ZMYND8: variants seen among roughly 807,000 people sequenced by gnomAD.
ZMYND8 encodes the protein zinc finger MYND-type containing 8.
In ZMYND8, 37 loss-of-function variants were observed where a neutral mutation model predicts 140.8. The observed-to-expected ratio is 0.26, with a 90% confidence interval of 0.20 to 0.35. The LOEUF is 0.35. Among genes scored for constraint, ZMYND8 ranks in the 10% least tolerant of loss-of-function variants. ZMYND8 has a pLI of 1.00. For missense variants in ZMYND8, 1,068 were observed against 1,570.0 expected (o/e 0.68, Z 5.40); for synonymous variants, 592 against 597.1 (o/e 0.99, Z 0.12).
chr20:47,227,178 T>G (rs2037831476), intron 18 of ZMYND8, 25 bp downstream of exon 18: 2 of 1,613,650 alleles, frequency 1.2e-6, no homozygotes, highest in Non-Finnish European at 1.7e-6. Context: ...CCCTCCTCAG[T>G]CCAGACCAGT....
At chr20:47,282,308 TG>T (rs1315256378) in intron 9 of ZMYND8, 91 bp from the exon 10 acceptor site, 1 of 1,083,984 alleles carries the variant, frequency 9.2e-7, no homozygotes, top group Non-Finnish European at 1.4e-6. Context: ...AGCAGGACTG[TG>T]GGACACAGGC....
Position 47,278,555 on chromosome 20 carries a change from A to G in ZMYND8, c.999-1760T>C, listed in dbSNP as rs2076397171. 1.3e-5 allele frequency among the ~76,000 whole-genome samples: 2 copies of G among 152,204 alleles called. 1 individual carries two copies. The highest frequency in any genetic ancestry group is 4.1e-4 in the South Asian group (2 of 4,828). ...GTTGGCATCTAAGAGAAAACAACCC[A>G]GGAGAAATAAAGCACATCCCTGGGA... On this transcript the variant is annotated intron_variant, in intron 10 of 22. Transcript: ENST00000471951.
chr20:47,354,829 T>C (rs1303288926), intron 1 of ZMYND8, among the ~76,000 whole-genome samples: 2 of 152,188 alleles, frequency 1.3e-5, no homozygotes, highest in East Asian at 1.9e-4. Context: ...ACTTAACTTC[T>C]AGCTGCAGCC....
intron 3 of ZMYND8, among the ~76,000 whole-genome samples, chr20:47,305,037 G>A (rs574736605): frequency 1.2e-4 from 18 of 152,076 alleles, no homozygotes; most frequent in African/African-American, 4.3e-4. Flanking sequence ...GAGCCCAGGA[G>A]TCCGCGACCA....
intron 18 of ZMYND8, among the ~76,000 whole-genome samples, chr20:47,225,831 G>A (rs1249054754): frequency 1.3e-5 from 2 of 151,906 alleles, no homozygotes; most frequent in Admixed American, 6.6e-5. Context: ...TTTTATGAAA[G>A]TAAGATTCCC....
intron 11 of ZMYND8, among the ~76,000 whole-genome samples, chr20:47,275,969 G>C (rs895652582): frequency 2.0e-5 from 3 of 151,892 alleles, no homozygotes; most frequent in African/African-American, 7.3e-5. Context: ...ATGAATGTAG[G>C]GTTTTGACAG....
At chr20:47,238,564 T>C (rs200577592) in intron 15 of ZMYND8, 194 bp downstream of exon 15, 11 of 1,098,392 alleles carry the variant, frequency 1.0e-5, no homozygotes, top group African/African-American at 3.2e-5. Context: ...AAAAAAACTT[T>C]TTGAAAGTAA....
intron 2 of ZMYND8, among the ~76,000 whole-genome samples, chr20:47,323,684 TG>T (rs1191008349): frequency 6.6e-6 from 1 of 152,028 alleles, no homozygotes; most frequent in Non-Finnish European, 1.5e-5. Flanking sequence ...AGAACTTCCT[TG>T]AAAATCAAAG....
chr20:47,306,442 T>A (rs1269272814), intron 3 of ZMYND8, among the ~76,000 whole-genome samples: 2 of 151,608 alleles, frequency 1.3e-5, no homozygotes, highest in Non-Finnish European at 2.9e-5. Flanking sequence ...CAAATAAAAA[T>A]AAACTTCCCT....
intron 5 of ZMYND8, among the ~76,000 whole-genome samples, chr20:47,292,651 T>C (rs933687684): frequency 1.3e-5 from 2 of 152,062 alleles, no homozygotes; most frequent in African/African-American, 4.8e-5. Context: ...GCCCCAAGAA[T>C]CTACATTTCT....
chr20:47,285,731 T>C, intron 8 of ZMYND8: 1 of 985,312 alleles, frequency 1.0e-6, no homozygotes, highest in Non-Finnish European at 1.2e-6. Context: ...CTGGGTACTA[T>C]TTAATGACAA....
intron 21 of ZMYND8, among the ~76,000 whole-genome samples, chr20:47,214,520 G>T (rs896015848): frequency 6.6e-6 from 1 of 152,176 alleles, no homozygotes. Flanking sequence ...TTGAGACACA[G>T]TCTCACTCTG....
intron 11 of ZMYND8, among the ~76,000 whole-genome samples, chr20:47,265,274 A>G (rs114437345): frequency 0.015 from 2,331 of 152,188 alleles, 44 homozygotes; most frequent in African/African-American, 0.053. Flanking sequence ...GGAGGGCCTT[A>G]CTATACTATC....
At chr20:47,247,934 A>G (rs182957943) in intron 13 of ZMYND8, among the ~76,000 whole-genome samples, 197 of 152,344 alleles carry the variant, frequency 1.3e-3, no homozygotes, top group African/African-American at 4.4e-3. Flanking sequence ...CAACACAGGA[A>G]GAACACAAGC....
intron 2 of ZMYND8, among the ~76,000 whole-genome samples, chr20:47,330,573 C>T (rs1277862295): frequency 6.6e-6 from 1 of 151,934 alleles, no homozygotes; most frequent in East Asian, 1.9e-4. Context: ...TTTTAGAAGG[C>T]GCCCATTAGA....
chr20:47,262,554 A>T, intron 11 of ZMYND8, 126 bp from the exon 12 acceptor site: 1 of 1,302,704 alleles, frequency 7.7e-7, no homozygotes, highest in Middle Eastern at 2.6e-4. Flanking sequence ...CCGCTACAGT[A>T]TCACGAATGG....
At chr20:47,304,068 G>A (rs945687888) in intron 3 of ZMYND8, among the ~76,000 whole-genome samples, 11 of 152,142 alleles carry the variant, frequency 7.2e-5, no homozygotes, top group African/African-American at 2.7e-4. Context: ...AAAAGGGAAA[G>A]CAAATCATTT....
intron 2 of ZMYND8, among the ~76,000 whole-genome samples, chr20:47,313,433 T>A (rs527725915): frequency 6.6e-6 from 1 of 150,872 alleles, no homozygotes; most frequent in Non-Finnish European, 1.5e-5. Context: ...CCATCCTGGC[T>A]AACATGGTGA....
At chr20:47,309,930 T>G in intron 3 of ZMYND8, 126 bp downstream of exon 3, 1 of 1,324,510 alleles carries the variant, frequency 7.5e-7, no homozygotes, top group Non-Finnish European at 1.0e-6. Flanking sequence ...CCAAGGCAAA[T>G]GACAGCCAGC....
Sources: allele counts gnomAD v4.1 joint callset (sites outside exome capture counted in the v4.1 genomes callset), GRCh38; gene constraint gnomAD v4.1.1; transcripts MANE v1.5; gene names NCBI Gene and HGNC (gene_info 2026-07-23, HGNC 2026-07-21).